ST18: variants seen among roughly 807,000 people sequenced by gnomAD.
ST18 encodes the protein ST18 C2H2C-type zinc finger transcription factor, also known as suppression of tumorigenicity 18 protein.
In ST18, 50 loss-of-function variants were observed where a neutral mutation model predicts 110.0. The observed-to-expected ratio is 0.45, with a 90% confidence interval of 0.36 to 0.58. The LOEUF (loss-of-function observed/expected upper bound fraction) is 0.58, where lower values mean the gene tolerates loss of function less well. Ranked by LOEUF, ST18 falls within the 20% of genes least tolerant of loss-of-function variation. The probability of loss-of-function intolerance (pLI) is 0.00; values close to 1 mark genes in which losing one functional copy is unlikely to be tolerated. For missense variants in ST18, 1,306 were observed against 1,280.1 expected (o/e 1.02, Z -0.31); for synonymous variants, 461 against 452.4 (o/e 1.02, Z -0.24).
intron 16 of ST18, among the ~76,000 whole-genome samples, chr8:52,143,912 T>C (rs758818704): frequency 6.6e-6 from 1 of 152,212 alleles, no homozygotes; most frequent in Non-Finnish European, 1.5e-5. Context: ...GGCATTTAAT[T>C]TGATCTTTCT....
At chr8:52,235,531 C>T (rs1195622081) in intron 2 of ST18, among the ~76,000 whole-genome samples, 1 of 152,128 alleles carries the variant, frequency 6.6e-6, no homozygotes, top group Non-Finnish European at 1.5e-5. Context: ...GCCCCTGACC[C>T]TGTGATTTGA....
intron 5 of ST18, 152 bp downstream of exon 5, chr8:52,220,589 T>C (rs146454419): frequency 2.0e-5 from 3 of 152,250 alleles, no homozygotes; most frequent in Non-Finnish European, 2.9e-5. Context: ...CTGACAAAAA[T>C]TGCAATTCTA....
intron 2 of ST18, among the ~76,000 whole-genome samples, chr8:52,292,416 G>C (rs1004303439): frequency 2.0e-5 from 3 of 152,162 alleles, no homozygotes; most frequent in African/African-American, 7.2e-5. Context: ...TGACAGAAAT[G>C]CTTGATTAAA....
At chr8:52,171,648 A>C (rs2065003589) in intron 10 of ST18, 144 bp downstream of exon 10, 1 of 901,200 alleles carries the variant, frequency 1.1e-6, no homozygotes, top group African/African-American at 1.7e-5. Context: ...AAAAGAAAGA[A>C]ATTGTTTATT....
intron 8 of ST18, among the ~76,000 whole-genome samples, chr8:52,198,650 G>A (rs1002778830): frequency 1.3e-5 from 2 of 152,272 alleles, no homozygotes; most frequent in Admixed American, 1.3e-4. Flanking sequence ...TTATAATTAT[G>A]TGTATATAAA....
chr8:52,127,132 G>C (rs1025487423), intron 22 of ST18, among the ~76,000 whole-genome samples: 1 of 152,096 alleles, frequency 6.6e-6, no homozygotes, highest in African/African-American at 2.4e-5. Context: ...ACATTTGGCA[G>C]GGTGAAAGAA....
At chr8:52,169,966 AAAG>A (rs555993939) in intron 10 of ST18, among the ~76,000 whole-genome samples, 17 of 152,224 alleles carry the variant, frequency 1.1e-4, no homozygotes, top group Non-Finnish European at 1.9e-4. Flanking sequence ...AAACAAAAAA[AAAG>A]AAGTTTCAAA....
chr8:52,218,912 G>A (rs893602403), intron 5 of ST18, among the ~76,000 whole-genome samples: 1 of 151,276 alleles, frequency 6.6e-6, no homozygotes, highest in Non-Finnish European at 1.5e-5. Flanking sequence ...AGAGCTGCTG[G>A]GGTCCTCTCC....
At chr8:52,325,525 T>G (rs566715515) in intron 2 of ST18, among the ~76,000 whole-genome samples, 2 of 152,302 alleles carry the variant, frequency 1.3e-5, no homozygotes, top group East Asian at 3.9e-4. Context: ...TCCTGAAAGC[T>G]TAATTAGAAC....
intron 21 of ST18, among the ~76,000 whole-genome samples, chr8:52,132,718 T>C (rs951865599): frequency 2.6e-5 from 4 of 152,234 alleles, no homozygotes; most frequent in Non-Finnish European, 4.4e-5. Flanking sequence ...TCAATTTAGA[T>C]ATAATTTCAC....
At chr8:52,253,835 C>T (rs796700259) in intron 2 of ST18, among the ~76,000 whole-genome samples, 3 of 152,148 alleles carry the variant, frequency 2.0e-5, no homozygotes, top group African/African-American at 7.2e-5. Context: ...CAAATTTGCA[C>T]GTTTCAAAAA....
intron 9 of ST18, among the ~76,000 whole-genome samples, chr8:52,178,732 C>CA (rs1283453018): frequency 1.5e-5 from 2 of 133,140 alleles, no homozygotes; most frequent in South Asian, 4.9e-4. Context: ...TTCAAGGAAA[C>CA]AAAAAAAAGT....
intron 2 of ST18, among the ~76,000 whole-genome samples, chr8:52,384,553 T>C (rs1367382403): frequency 2.0e-5 from 3 of 152,044 alleles, no homozygotes; most frequent in Non-Finnish European, 2.9e-5. Flanking sequence ...TCCAGGCTAC[T>C]CCATATTCCC....
At chr8:52,384,208 C>G (rs1347177290) in intron 2 of ST18, among the ~76,000 whole-genome samples, 1 of 152,112 alleles carries the variant, frequency 6.6e-6, no homozygotes, top group African/African-American at 2.4e-5. Context: ...CAATTACTGT[C>G]CCATCATGGT....
chr8:52,254,106 A>G (rs1445387856), intron 2 of ST18: 1 of 152,078 alleles, frequency 6.6e-6, no homozygotes, highest in Non-Finnish European at 1.5e-5. Context: ...ACACAGTTCT[A>G]AACTTCAACC....
At chr8:52,339,735 G>A (rs957929839) in intron 2 of ST18, among the ~76,000 whole-genome samples, 2 of 152,224 alleles carry the variant, frequency 1.3e-5, no homozygotes, top group Non-Finnish European at 2.9e-5. Context: ...GCCACACAAA[G>A]GGTGCTCAGG....
rs577803999 is a variant in ST18 at position 52,342,062 on chromosome 8, C to A, written c.-465+67266G>T. The stretch of plus-strand genomic sequence containing the variant: ...GCAGTTAATAACAGTATACTGATTA[C>A]TTTTTAGTGTTCCTAAGAGAGTAGC... On this transcript the variant is annotated intron_variant, in intron 2 of 25. Transcript: ENST00000689386. Among the ~76,000 whole-genome samples, 33 of 152,302 alleles carry A rather than the reference C, an allele frequency of 2.2e-4. No individual in the cohort carries two copies. The East Asian group carries it at 6.2e-3, about 28-fold the overall frequency.
chr8:52,297,791 G>C (rs1589710063), intron 2 of ST18, among the ~76,000 whole-genome samples: 1 of 152,248 alleles, frequency 6.6e-6, no homozygotes, highest in Non-Finnish European at 1.5e-5. Flanking sequence ...CACATACGAA[G>C]AAAGCCAAAT....
intron 2 of ST18, among the ~76,000 whole-genome samples, chr8:52,403,054 G>A (rs1843288173): frequency 6.6e-6 from 1 of 152,182 alleles, no homozygotes; most frequent in Non-Finnish European, 1.5e-5. Context: ...GCACTGAAGT[G>A]CATGCCTGCT....
Sources: allele counts gnomAD v4.1 joint callset (sites outside exome capture counted in the v4.1 genomes callset), GRCh38; gene constraint gnomAD v4.1.1; transcripts MANE v1.5; gene names NCBI Gene and HGNC (gene_info 2026-07-23, HGNC 2026-07-21).